DCPH1: variants seen among roughly 807,000 people sequenced by gnomAD.
DCPH1 encodes damage-control phosphatase 1.
At chr6:151,468,815 C>G in the DCPH1 span, 4 of 1,614,188 alleles carry the variant, frequency 2.5e-6, no homozygotes, top group African/African-American at 1.3e-5. Flanking sequence ...GAGTACTGTG[C>G]AATGCCTCAG....
chr6:151,458,055 C>A, the DCPH1 span, among the ~76,000 whole-genome samples: 1 of 152,144 alleles, frequency 6.6e-6, no homozygotes, highest in South Asian at 2.1e-4. Context: ...CATGGAAAAT[C>A]TGGCAGGGGT....
the DCPH1 span, among the ~76,000 whole-genome samples, chr6:151,465,151 G>A: frequency 2.0e-5 from 3 of 152,148 alleles, no homozygotes; most frequent in African/African-American, 7.2e-5. Flanking sequence ...TAATACTCGG[G>A]TATTCAGTTG....
chr6:151,462,185 A>G, the DCPH1 span, among the ~76,000 whole-genome samples: 1 of 152,236 alleles, frequency 6.6e-6, no homozygotes, highest in African/African-American at 2.4e-5. Context: ...TACAGAGAAA[A>G]TATTAGATTT....
the DCPH1 span, among the ~76,000 whole-genome samples, chr6:151,459,869 C>T: frequency 1.3e-5 from 2 of 152,116 alleles, no homozygotes; most frequent in Non-Finnish European, 2.9e-5. Flanking sequence ...TTAATAAGCA[C>T]AGGTTCCAAA....
the DCPH1 span, chr6:151,468,339 T>C: frequency 6.5e-7 from 1 of 1,529,512 alleles, no homozygotes; most frequent in Non-Finnish European, 8.8e-7. Context: ...TTTTTCTTTT[T>C]CAGATTTCAC....
the DCPH1 span, among the ~76,000 whole-genome samples, chr6:151,456,864 T>C: frequency 6.6e-6 from 1 of 152,198 alleles, no homozygotes. Flanking sequence ...TGATCTAAAA[T>C]GTAGTAATTA....
At chr6:151,454,890 A>G in the DCPH1 span, among the ~76,000 whole-genome samples, 2 of 152,318 alleles carry the variant, frequency 1.3e-5, no homozygotes, top group South Asian at 4.1e-4. Context: ...TGTATTTTCT[A>G]ATATATGCAA....
At chr6:151,463,087 C>G in the DCPH1 span, among the ~76,000 whole-genome samples, 142 of 152,286 alleles carry the variant, frequency 9.3e-4, no homozygotes, top group African/African-American at 3.3e-3. Flanking sequence ...CAAAATACTA[C>G]TTTTCTTTCA....
the DCPH1 span, among the ~76,000 whole-genome samples, chr6:151,461,728 A>G: frequency 1.3e-5 from 2 of 152,200 alleles, no homozygotes; most frequent in African/African-American, 2.4e-5. Flanking sequence ...AAATTGCTTA[A>G]TTTATCTGGG....
chr6:151,454,474 C>G, the DCPH1 span: 74 of 756,460 alleles, frequency 9.8e-5, no homozygotes, highest in African/African-American at 2.8e-4. Flanking sequence ...ATGAAGTGTT[C>G]CAGAAACTAA....
chr6:151,456,114 A>G, the DCPH1 span, among the ~76,000 whole-genome samples: 11 of 152,338 alleles, frequency 7.2e-5, no homozygotes, highest in African/African-American at 2.6e-4. Context: ...ACAGAACAAA[A>G]TGGAGTCTCC....
the DCPH1 span, chr6:151,452,748 C>CGGAGGCGAAG: frequency 5.8e-6 from 4 of 686,336 alleles, no homozygotes; most frequent in Non-Finnish European, 7.0e-6. Flanking sequence ...CGGACTGGCT[C>CGGAGGCGAAG]GGAGGCGAAG....
the DCPH1 span, chr6:151,469,318 G>A: frequency 4.8e-6 from 2 of 412,372 alleles, no homozygotes; most frequent in Non-Finnish European, 8.5e-6. Context: ...GGTTAAGCAA[G>A]TTAAAGATAT....
the DCPH1 span, among the ~76,000 whole-genome samples, chr6:151,464,116 G>A: frequency 2.0e-5 from 3 of 152,250 alleles, no homozygotes; most frequent in Non-Finnish European, 2.9e-5. Context: ...AAAAATGTTT[G>A]TTGAACTAAA....
chr6:151,457,034 T>G, the DCPH1 span, among the ~76,000 whole-genome samples: 1 of 152,226 alleles, frequency 6.6e-6, no homozygotes, highest in East Asian at 1.9e-4. Context: ...TGGTAGCCTT[T>G]CTGTCCCTTT....
At chr6:151,452,587 GT>G in the DCPH1 span, 1 of 1,609,732 alleles carries the variant, frequency 6.2e-7, no homozygotes, top group East Asian at 2.3e-5. Context: ...AGGACGTGGG[GT>G]TAGTCTAGCT....
At chr6:151,457,520 C>G in the DCPH1 span, among the ~76,000 whole-genome samples, 4 of 152,108 alleles carry the variant, frequency 2.6e-5, no homozygotes, top group Non-Finnish European at 4.4e-5. Flanking sequence ...GCTACAACTT[C>G]TTTTCTTCTA....
At chr6:151,466,914 G>A in the DCPH1 span, among the ~76,000 whole-genome samples, 2 of 151,972 alleles carry the variant, frequency 1.3e-5, no homozygotes, top group African/African-American at 4.8e-5. Context: ...TATTATTTAA[G>A]CCTTTTTTTT....
the DCPH1 span, chr6:151,454,701 A>G: frequency 5.3e-3 from 4,839 of 921,400 alleles, 20 homozygotes; most frequent in Non-Finnish European, 6.5e-3. Context: ...CTCAACAGAA[A>G]CATAATAAAT....
Sources: gnomAD v4.1 joint callset for allele counts (sites outside exome capture counted in the v4.1 genomes callset) on GRCh38, gnomAD v4.1.1 for gene constraint, MANE v1.5 for transcripts, NCBI Gene and HGNC (gene_info 2026-07-23, HGNC 2026-07-21) for gene names.